Variants in DLGAP4 observed in about 807,000 individuals in gnomAD.
The protein encoded by DLGAP4 is DLG associated protein 4.
In DLGAP4, 18 loss-of-function variants were observed where a neutral mutation model predicts 86.9. The ratio of observed to expected loss-of-function variants is 0.21; its 90% confidence interval spans 0.14 to 0.31. DLGAP4 has a LOEUF of 0.31. Among genes scored for constraint, DLGAP4 ranks in the 10% least tolerant of loss-of-function variants. DLGAP4 has a pLI of 1.00. For synonymous variants in DLGAP4, 548 were observed against 574.3 expected, an observed-to-expected ratio of 0.95 and a Z score of 0.65; for missense variants, 1,085 against 1,362.6, an observed-to-expected ratio of 0.80 and a Z score of 3.21.
chr20:36,446,739 G>T lies in DLGAP4; in HGVS notation c.1450G>T (p.Glu484Ter). The T allele has an allele frequency of 6.2e-7, 1 of 1,611,970 alleles. No individual in the cohort carries two copies. The highest frequency in any genetic ancestry group is 8.5e-7 in the Non-Finnish European group (1 of 1,178,978). ...GAGTGACCAGTATGAGGCGGCCTGC[G>T]AGTCAGCCTGCAGTGAAGCGGAGTC... is the stretch of plus-strand genomic sequence containing the variant. ...ELSDQYEAAC[E>*]SACSEAESTA... is the part of the protein sequence containing the mutation. The change falls in exon 7 of 13, where the codon GAG becomes TAG. Residue 484 changes from glutamate to a stop codon, truncating the protein, a stop_gained. Transcript: ENST00000339266. LOFTEE classifies it high-confidence loss of function.
chr20:36,524,447 A>G (rs1415252027), intron 11 of DLGAP4, 106 bp downstream of exon 11: 4 of 915,000 alleles, frequency 4.4e-6, no homozygotes, highest in Non-Finnish European at 6.6e-6. Flanking sequence ...TAACACACAC[A>G]GCGCGGCTTC....
At chr20:36,438,899 G>A (rs1482332915) in intron 4 of DLGAP4, among the ~76,000 whole-genome samples, 2 of 151,912 alleles carry the variant, frequency 1.3e-5, no homozygotes, top group Admixed American at 1.3e-4. Context: ...GATTACAGGC[G>A]TGAGCCACCG....
Position 36,425,938 on chromosome 20 carries a change from T to C in DLGAP4, c.-72-5708T>C, listed in dbSNP as rs139501205. Among the ~76,000 whole-genome samples, 614 of 152,324 alleles carry C rather than the reference T, an allele frequency of 4.0e-3. 4 individuals carry two copies. Among genetic ancestry groups the C allele is most frequent in the African/African-American group, 0.014 (574 of 41,572 alleles). Reference sequence around the variant, plus strand: ...ACTCAAACAGATACTTGGACACCATTGTTTGTAGCAATATTATTCACAATA... The same window carrying C: ...ACTCAAACAGATACTTGGACACCATCGTTTGTAGCAATATTATTCACAATA... On this transcript the variant is annotated intron_variant, in intron 2 of 12. Transcript: ENST00000339266.
At chr20:36,312,096 C>A (rs1429816280) in intron 1 of DLGAP4, among the ~76,000 whole-genome samples, 3 of 152,206 alleles carry the variant, frequency 2.0e-5, no homozygotes, top group African/African-American at 7.2e-5. Context: ...GAGGCCCCAT[C>A]TGAACTGTGA....
intron 2 of DLGAP4, among the ~76,000 whole-genome samples, chr20:36,409,066 C>T (rs1327017821): frequency 5.5e-5 from 7 of 128,228 alleles, no homozygotes; most frequent in South Asian, 5.1e-4. Flanking sequence ...GACAGAGTCT[C>T]GCTCTGTCAC....
chr20:36,327,321 G>A (rs1312348241), intron 1 of DLGAP4, among the ~76,000 whole-genome samples: 3 of 151,844 alleles, frequency 2.0e-5, no homozygotes, highest in Non-Finnish European at 4.4e-5. Context: ...CTTTACCACT[G>A]GTTTTGAATG....
chr20:36,321,069 C>T (rs2065163019), intron 1 of DLGAP4, among the ~76,000 whole-genome samples: 1 of 152,126 alleles, frequency 6.6e-6, no homozygotes, highest in South Asian at 2.1e-4. Flanking sequence ...GGAGCGGGAT[C>T]ATAGACCACA....
At chr20:36,330,227 G>C (rs1455539988) in intron 1 of DLGAP4, among the ~76,000 whole-genome samples, 2 of 152,178 alleles carry the variant, frequency 1.3e-5, no homozygotes, top group African/African-American at 4.8e-5. Context: ...GAAGGAGTGA[G>C]GAGCCTGATG....
intron 11 of DLGAP4, among the ~76,000 whole-genome samples, chr20:36,524,722 G>A (rs543148586): frequency 4.1e-4 from 63 of 152,088 alleles, no homozygotes; most frequent in Admixed American, 1.2e-3. Flanking sequence ...GACCAACATG[G>A]AGAAACCCTG....
intron 4 of DLGAP4, among the ~76,000 whole-genome samples, chr20:36,438,100 G>A (rs1405566662): frequency 1.3e-5 from 2 of 152,138 alleles, no homozygotes; most frequent in Non-Finnish European, 2.9e-5. Context: ...GTGACCAGGT[G>A]CAGTGGCTCA....
At chr20:36,520,757 A>G (rs1199845908) in intron 10 of DLGAP4, among the ~76,000 whole-genome samples, 1 of 129,130 alleles carries the variant, frequency 7.7e-6, no homozygotes. Flanking sequence ...CCCTTCTTTC[A>G]TTGCTTATGC....
Position 36,470,110 on chromosome 20 carries a change from TTGC to T in DLGAP4, c.1648+23174_1648+23176del, listed in dbSNP as rs1485497837. 1.1e-3 allele frequency among the ~76,000 whole-genome samples: 172 copies of T among 152,292 alleles called. 1 individual carries two copies. The highest frequency in any genetic ancestry group is 4.1e-3 in the African/African-American group (169 of 41,566). The stretch of plus-strand genomic sequence containing the variant: ...GAACTAAATCTCGGAGGAAAGGGAC[TTGC>T]CAGGATCCCATACTGAGAGACCTTC... On this transcript the variant is annotated intron_variant, in intron 7 of 12. Coordinates refer to ENST00000339266, the MANE Select transcript of DLGAP4 (RefSeq NM_001365621.2).
At chr20:36,371,600 A>G (rs73905343) in intron 2 of DLGAP4, among the ~76,000 whole-genome samples, 149 of 152,334 alleles carry the variant, frequency 9.8e-4, no homozygotes, top group African/African-American at 3.4e-3. Context: ...TTAGCAGGAC[A>G]ACTGGGGACA....
intron 10 of DLGAP4, among the ~76,000 whole-genome samples, chr20:36,515,836 AT>A (rs947387472): frequency 1.3e-5 from 2 of 152,236 alleles, no homozygotes; most frequent in African/African-American, 4.8e-5. Context: ...TTGGGATTAC[AT>A]TTGCCTACAA....
At chr20:36,429,160 A>G (rs2033059546) in intron 2 of DLGAP4, among the ~76,000 whole-genome samples, 1 of 151,872 alleles carries the variant, frequency 6.6e-6, no homozygotes, top group African/African-American at 2.4e-5. Context: ...GCTCACTGCA[A>G]CCTCCACCTC....
chr20:36,380,426 T>A (rs1440720454), intron 2 of DLGAP4, among the ~76,000 whole-genome samples: 2 of 150,948 alleles, frequency 1.3e-5, no homozygotes, highest in African/African-American at 2.4e-5. Flanking sequence ...AAAAATAATT[T>A]AAAAAATAAT....
chr20:36,409,800 A>G (rs1394710797), intron 2 of DLGAP4, among the ~76,000 whole-genome samples: 8 of 151,930 alleles, frequency 5.3e-5, no homozygotes, highest in Admixed American at 2.6e-4. Context: ...TTGGGAGGCC[A>G]AGGTGGGCGG....
At chr20:36,367,963 C>T (rs184568071) in intron 2 of DLGAP4, among the ~76,000 whole-genome samples, 31 of 152,348 alleles carry the variant, frequency 2.0e-4, no homozygotes, top group African/African-American at 6.7e-4. Flanking sequence ...AAGAGGCCTA[C>T]GTGCAGGCTC....
chr20:36,524,220 A>G, intron 10 of DLGAP4, 30 bp from the exon 11 acceptor site: 1 of 1,589,382 alleles, frequency 6.3e-7, no homozygotes, highest in Non-Finnish European at 8.6e-7. Context: ...GCTGTGCTAA[A>G]TCAGTCTTTT....
Sources: allele counts gnomAD v4.1 joint callset (sites outside exome capture counted in the v4.1 genomes callset), GRCh38; gene constraint gnomAD v4.1.1; transcripts MANE v1.5; gene names NCBI Gene and HGNC (gene_info 2026-07-23, HGNC 2026-07-21).